Variants in CERS4 observed in about 807,000 individuals in gnomAD.
CERS4 encodes the protein ceramide synthase 4.
In CERS4, 65 loss-of-function variants were observed where a neutral mutation model predicts 51.8. That is an observed-to-expected ratio of 1.26 (90% CI 1.03 to 1.54). CERS4 has a LOEUF of 1.54. CERS4 is among the 40% of genes most tolerant of loss of function. The pLI, the probability that CERS4 is intolerant of heterozygous loss-of-function variation, is 0.00. For missense variants in CERS4, 563 were observed against 500.4 expected (o/e 1.13, Z -1.19); for synonymous variants, 228 against 208.4 (o/e 1.09, Z -0.81).
chr19:8,235,007 C>CTTTTTTTTTTTTTTT (rs566104740), intron 2 of CERS4, among the ~76,000 whole-genome samples: 1 of 127,892 alleles, frequency 7.8e-6, no homozygotes. Context: ...TTCTTTCTTT[C>CTTTTTTTTTTTTTTT]TTTCTTTTTT....
At chr19:8,220,153 G>A (rs1967470820) in intron 2 of CERS4, among the ~76,000 whole-genome samples, 1 of 150,636 alleles carries the variant, frequency 6.6e-6, no homozygotes, top group Admixed American at 6.6e-5. Flanking sequence ...CCTCGGCTGT[G>A]TGTCCCCTTA....
intron 4 of CERS4, 107 bp downstream of exon 4, chr19:8,254,723 G>C: frequency 1.1e-6 from 1 of 921,286 alleles, no homozygotes; most frequent in Non-Finnish European, 1.7e-6. Context: ...GTGGCTGCAG[G>C]CACCCCTGCA....
chr19:8,220,706 C>T (rs564526550), intron 2 of CERS4, among the ~76,000 whole-genome samples: 6 of 152,336 alleles, frequency 3.9e-5, no homozygotes, highest in Non-Finnish European at 1.5e-5. Flanking sequence ...GGACAACCTC[C>T]AAGGGCAGCC....
intron 2 of CERS4, among the ~76,000 whole-genome samples, chr19:8,228,963 G>A (rs1029217409): frequency 2.0e-5 from 3 of 151,316 alleles, no homozygotes; most frequent in African/African-American, 7.3e-5. Context: ...GGCGGAGGTT[G>A]CAATGAGCAG....
chr19:8,261,744 A>T lies in CERS4; in HGVS notation c.905A>T (p.Tyr302Phe). 1 of 1,614,108 alleles carries T rather than the reference A, an allele frequency of 6.2e-7. No homozygotes were observed. The highest frequency in any genetic ancestry group is 1.1e-5 in the South Asian group (1 of 91,082). Residue 302 changes from tyrosine (Y) to phenylalanine (F), a missense_variant, in exon 11 of 12, where the codon TAC becomes TTC. By Grantham distance (22) the Tyr-to-Phe change is conservative. Coordinates refer to ENST00000251363, the MANE Select transcript of CERS4 (RefSeq NM_024552.3). ...SISNRGPFFG[Y>F]YFFNGLLMLL... is the part of the protein sequence containing the mutation. ...AGCAACAGGGGCCCCTTCTTCGGCT[A>T]CTACTTCTTCAACGGGCTTCTGATG...
chr19:8,209,515 GCGAACACCGCCC>G (rs1028472114), intron 1 of CERS4, 21 bp downstream of exon 1: 6 of 151,692 alleles, frequency 4.0e-5, no homozygotes, highest in African/African-American at 1.5e-4. Context: ...ACCCCGCGCC[GCGAACACCGCCC>G]CGAACGCCAC....
chr19:8,249,521 A>AC (rs921804994), intron 2 of CERS4, among the ~76,000 whole-genome samples: 7 of 146,716 alleles, frequency 4.8e-5, no homozygotes, highest in Non-Finnish European at 7.5e-5. Flanking sequence ...ATAGCAAGAG[A>AC]CCCCCCTGAA....
At chr19:8,240,177 C>T (rs1328202959) in intron 2 of CERS4, among the ~76,000 whole-genome samples, 5 of 151,990 alleles carry the variant, frequency 3.3e-5, no homozygotes, top group Non-Finnish European at 5.9e-5. Context: ...GGAAGCCCAG[C>T]AAGCAGCAGT....
chr19:8,238,635 G>T lies in CERS4; in HGVS notation c.-1-12441G>T, dbSNP rs1968378492. The T allele has an allele frequency of 4.2e-6, 4 of 954,936 alleles. No individual in the cohort carries two copies. In the South Asian group the frequency reaches 1.9e-4, roughly 46 times the overall value. The allele number at this position is 954,936 out of a possible 1,614,324, so 59.2% of individuals were successfully genotyped here. A position where few individuals can be genotyped will look rare whatever the true frequency, so the allele number is the denominator to read the frequency against. On this transcript the variant is annotated intron_variant, in intron 2 of 11. Transcript: ENST00000251363. ...CAGAGTTGGGTGGGCACCTGCTGGG[G>T]GATCCTCATGGTCCAGTATTGGTTG...
At chr19:8,245,797 C>A (rs1375924493) in intron 2 of CERS4, among the ~76,000 whole-genome samples, 3 of 150,872 alleles carry the variant, frequency 2.0e-5, no homozygotes, top group African/African-American at 7.3e-5. Flanking sequence ...ACCTTGGCCT[C>A]CCAAAGTGCT....
At chr19:8,214,235 C>T (rs1967197883) in intron 2 of CERS4, 1 of 152,604 alleles carries the variant, frequency 6.6e-6, no homozygotes, top group Non-Finnish European at 1.5e-5. Context: ...CCTGGCCCCA[C>T]TTTCCTCCCA....
In CERS4 at chr19:8,261,798, C is replaced by T; in HGVS notation, c.959C>T (p.Ser320Phe). Reference sequence around the variant, plus strand: ...CTGCAGCTGCTGCACGTGTTCTGGTCTTGCCTCATTCTGCGCATGCTCTAT... The same window carrying T: ...CTGCAGCTGCTGCACGTGTTCTGGTTTTGCCTCATTCTGCGCATGCTCTAT... The part of the protein sequence containing the change: ...MLLQLLHVFW[S>F]CLILRMLYSF... The change falls in exon 11 of 12, where the codon TCT (serine) becomes TTT (phenylalanine). Residue 320 changes from serine to phenylalanine, a missense_variant. Transcript: ENST00000251363. 1.9e-6 allele frequency: 3 copies of T among 1,614,150 alleles called. No individual in the cohort carries two copies. Among genetic ancestry groups the T allele is most frequent in the South Asian group, 1.1e-5 (1 of 91,082 alleles).
chr19:8,257,473 G>A (rs1241446867), intron 9 of CERS4, among the ~76,000 whole-genome samples: 2 of 151,880 alleles, frequency 1.3e-5, no homozygotes, highest in Non-Finnish European at 2.9e-5. Flanking sequence ...TCACTCTCTT[G>A]CCCAGGCTAG....
At chr19:8,239,044 T>G (rs1376993941) in intron 2 of CERS4, among the ~76,000 whole-genome samples, 1 of 152,066 alleles carries the variant, frequency 6.6e-6, no homozygotes, top group Non-Finnish European at 1.5e-5. Context: ...AAGGCTGTAG[T>G]GAGCTGCAAT....
intron 2 of CERS4, among the ~76,000 whole-genome samples, chr19:8,223,891 G>C (rs1360255274): frequency 6.6e-6 from 1 of 151,712 alleles, no homozygotes; most frequent in African/African-American, 2.4e-5. Context: ...TTGAAATCAG[G>C]AGTTCGAGAC....
At chr19:8,214,550 AGAG>A (rs1176591321) in intron 2 of CERS4, 1 of 152,506 alleles carries the variant, frequency 6.6e-6, no homozygotes, top group Admixed American at 6.6e-5. Flanking sequence ...TAGAGTAGAG[AGAG>A]GAGTAGATGA....
chr19:8,237,939 AT>A (rs1477903134), intron 2 of CERS4, among the ~76,000 whole-genome samples: 3 of 152,052 alleles, frequency 2.0e-5, no homozygotes, highest in African/African-American at 7.2e-5. Context: ...TGCTGTTTTT[AT>A]TTTTATTTTT....
intron 2 of CERS4, among the ~76,000 whole-genome samples, chr19:8,219,346 G>C (rs1283615396): frequency 1.3e-5 from 2 of 152,194 alleles, no homozygotes; most frequent in Non-Finnish European, 2.9e-5. Context: ...ACCCAGGCAG[G>C]ACTGCAGGCC....
At chr19:8,253,439 G>T (rs1202304719) in intron 3 of CERS4, among the ~76,000 whole-genome samples, 1 of 149,760 alleles carries the variant, frequency 6.7e-6, no homozygotes, top group Non-Finnish European at 1.5e-5. Flanking sequence ...ACAGACAAAG[G>T]TCCAGCTGCC....
Sources: gnomAD v4.1 joint callset for allele counts (sites outside exome capture counted in the v4.1 genomes callset) on GRCh38, gnomAD v4.1.1 for gene constraint, MANE v1.5 for transcripts, NCBI Gene and HGNC (gene_info 2026-07-23, HGNC 2026-07-21) for gene names.